DNAH14: variants seen among roughly 807,000 people sequenced by gnomAD.
DNAH14 encodes axonemal beta dynein heavy chain 14.
A neutral mutation model predicts 520.9 loss-of-function variants in DNAH14; 478 were observed. The observed-to-expected ratio is 0.92, with a 90% CI of 0.85 to 0.99. DNAH14 has a LOEUF of 0.99. Ranked by LOEUF, DNAH14 falls within the 50% of genes least tolerant of loss-of-function variation. The pLI, the probability that DNAH14 is intolerant of heterozygous loss-of-function variation, is 0.00. For missense variants in DNAH14, 4,831 were observed against 5,234.5 expected (o/e 0.92, Z 2.38); for synonymous variants, 1,581 against 1,757.2 (o/e 0.90, Z 2.51).
chr1:225,239,431 G>T (rs2091832730), intron 42 of DNAH14, among the ~76,000 whole-genome samples: 1 of 152,100 alleles, frequency 6.6e-6, no homozygotes, highest in Admixed American at 6.5e-5. Flanking sequence ...GTGGAAGGGG[G>T]TTCCTTTGGC....
intron 27 of DNAH14, among the ~76,000 whole-genome samples, chr1:225,123,987 A>C (rs1290385773): frequency 6.6e-6 from 1 of 152,136 alleles, no homozygotes; most frequent in South Asian, 2.1e-4. Flanking sequence ...TCCTGACCTC[A>C]GGTGATCTGC....
At chr1:225,261,144 T>C (rs2092921356) in intron 46 of DNAH14, among the ~76,000 whole-genome samples, 1 of 152,220 alleles carries the variant, frequency 6.6e-6, no homozygotes, top group Non-Finnish European at 1.5e-5. Flanking sequence ...TTTCCTTGCC[T>C]AATTGCTCTG....
At chr1:225,180,587 T>C (rs553469295) in intron 36 of DNAH14, among the ~76,000 whole-genome samples, 13 of 152,196 alleles carry the variant, frequency 8.5e-5, no homozygotes, top group African/African-American at 3.1e-4. Flanking sequence ...GAAGGAACTA[T>C]TAGAGTGAGA....
Position 225,333,382 on chromosome 1 carries a change from G to A in DNAH14, c.9956G>A (p.Ser3319Asn), listed in dbSNP as rs1267038227. 2 of 1,551,628 alleles carry A rather than the reference G, an allele frequency of 1.3e-6. No individual in the cohort carries two copies. Among genetic ancestry groups the A allele is most frequent in the Non-Finnish European group, 1.7e-6 (2 of 1,146,948 alleles). Residue 3319 changes from serine (S) to asparagine (N), a missense_variant, in exon 66 of 86, where the codon AGT becomes AAT. Transcript: ENST00000682510. ...ILLSAACIVY[S>N]GILTPEFRQL... is the part of the protein sequence containing the mutation. ...CTTTCAGCAGCGTGCATTGTCTACA[G>A]TGGAATTTTAACACCAGAATTTCGC...
intron 37 of DNAH14, 74 bp downstream of exon 37, chr1:225,185,499 C>A: frequency 7.3e-7 from 1 of 1,365,794 alleles, no homozygotes; most frequent in South Asian, 1.7e-5. Context: ...TTTATGTTCT[C>A]TTTATATTGG....
chr1:225,375,376 G>C (rs1575094317), intron 78 of DNAH14, among the ~76,000 whole-genome samples: 1 of 152,332 alleles, frequency 6.6e-6, no homozygotes, highest in East Asian at 1.9e-4. Context: ...GCTGCTAGCA[G>C]AGGAAAGAAT....
At chr1:224,989,706 C>T (rs1254884283) in intron 8 of DNAH14, among the ~76,000 whole-genome samples, 2 of 152,118 alleles carry the variant, frequency 1.3e-5, no homozygotes, top group Non-Finnish European at 2.9e-5. Flanking sequence ...TTTGTCAATG[C>T]TCTTTGTCAA....
At chr1:225,175,701 C>CTTTTTTTTTTTTTTTTT (rs35341695) in intron 36 of DNAH14, among the ~76,000 whole-genome samples, 1 of 109,226 alleles carries the variant, frequency 9.2e-6, no homozygotes, top group Non-Finnish European at 1.8e-5. Context: ...TATTTTGGAT[C>CTTTTTTTTTTTTTTTTT]TTTTTTTTTT....
rs1026101849 is a variant in DNAH14 at position 225,128,832 on chromosome 1, G to T, written c.4254+5218G>T. ...TTCTGGCCAGGGCAATCAGGCAGGA[G>T]AATGAAATAAAGAGTATTCAATTAG... On this transcript the variant is annotated intron_variant, in intron 27 of 85. Coordinates refer to ENST00000682510, the MANE Select transcript of DNAH14 (RefSeq NM_001367479.1). 2.0e-3 allele frequency among the ~76,000 whole-genome samples: 298 copies of T among 151,516 alleles called. 1 individual carries two copies. The highest frequency in any genetic ancestry group is 7.0e-3 in the African/African-American group (285 of 40,980).
intron 41 of DNAH14, among the ~76,000 whole-genome samples, chr1:225,215,059 C>T (rs1378321748): frequency 2.0e-5 from 3 of 152,128 alleles, no homozygotes; most frequent in African/African-American, 7.2e-5. Context: ...CTATAAATTT[C>T]CCTCTACACA....
intron 4 of DNAH14, among the ~76,000 whole-genome samples, chr1:224,963,689 A>G (rs1474545208): frequency 1.3e-5 from 2 of 152,048 alleles, no homozygotes; most frequent in Non-Finnish European, 2.9e-5. Context: ...CTCTTGTCAG[A>G]CATACACAGT....
intron 43 of DNAH14, among the ~76,000 whole-genome samples, 190 bp from the exon 44 acceptor site, chr1:225,252,111 G>T (rs1264778475): frequency 6.6e-6 from 1 of 152,174 alleles, no homozygotes; most frequent in Non-Finnish European, 1.5e-5. Context: ...AGGACAAGAA[G>T]TTAATAAAAC....
Position 225,159,336 on chromosome 1 carries a change from G to A in DNAH14, c.5296G>A (p.Glu1766Lys). 2 of 1,551,406 alleles carry A rather than the reference G, an allele frequency of 1.3e-6. No homozygotes were observed. The highest frequency in any genetic ancestry group is 1.7e-6 in the Non-Finnish European group (2 of 1,146,818). The change falls in exon 35 of 86, where the codon GAA becomes AAA. Residue 1766 changes from glutamate to lysine, a missense_variant. Glu to Lys is a moderately conservative substitution (Grantham distance 56). Coordinates refer to ENST00000682510, the MANE Select transcript of DNAH14 (RefSeq NM_001367479.1). The stretch of plus-strand genomic sequence containing the variant: ...AAGTGATACCAGTGACAGTCTTTCT[G>A]AAGCAGATGAAACCTTGATTGTTAT... ...FKCDTSDSLS[E>K]ADETLIVIEA... is the part of the protein sequence containing the mutation.
chr1:225,034,439 G>A (rs961849815), intron 11 of DNAH14, among the ~76,000 whole-genome samples: 6 of 151,932 alleles, frequency 3.9e-5, no homozygotes, highest in Non-Finnish European at 5.9e-5. Context: ...ATTTTTTGAT[G>A]TGCTGCTGTA....
chr1:225,366,546 A>G (rs1332745834), intron 76 of DNAH14, among the ~76,000 whole-genome samples: 1 of 152,174 alleles, frequency 6.6e-6, no homozygotes, highest in Non-Finnish European at 1.5e-5. Context: ...TGCTCGATAA[A>G]TATTTTCTCA....
In DNAH14 at chr1:225,025,671, C is replaced by G. The variant is rs10399841; in HGVS notation, c.1358+1806C>G. Among the ~76,000 whole-genome samples, 771 of 151,992 alleles carry G rather than the reference C, an allele frequency of 5.1e-3. 6 individuals carry two copies. The highest frequency in any genetic ancestry group is 0.017 in the African/African-American group (724 of 41,428). On this transcript the variant is annotated intron_variant, in intron 11 of 85. Coordinates refer to ENST00000682510, the MANE Select transcript of DNAH14 (RefSeq NM_001367479.1). ...TCGGGAGGCTGAGGTGGGAGGATCA[C>G]TTGAGCCCAGGAGGTTGAGACTGCA... is the stretch of plus-strand genomic sequence containing the variant.
intron 10 of DNAH14, among the ~76,000 whole-genome samples, chr1:225,019,307 A>T (rs771107012): frequency 6.6e-6 from 1 of 152,216 alleles, no homozygotes; most frequent in Non-Finnish European, 1.5e-5. Context: ...TTAAACAAAC[A>T]ATGATCAAAA....
intron 23 of DNAH14, among the ~76,000 whole-genome samples, chr1:225,114,747 G>T (rs1227195915): frequency 2.0e-5 from 3 of 152,008 alleles, no homozygotes; most frequent in Non-Finnish European, 4.4e-5. Flanking sequence ...TATGTCCAGT[G>T]TTGGCAGCAC....
At chr1:225,174,360 A>G (rs1292829998) in intron 36 of DNAH14, among the ~76,000 whole-genome samples, 1 of 152,162 alleles carries the variant, frequency 6.6e-6, no homozygotes, top group African/African-American at 2.4e-5. Flanking sequence ...ACTTTCTTTA[A>G]TAAGTGTTTT....
Sources: allele counts gnomAD v4.1 joint callset (sites outside exome capture counted in the v4.1 genomes callset), GRCh38; gene constraint gnomAD v4.1.1; transcripts MANE v1.5; gene names NCBI Gene and HGNC (gene_info 2026-07-23, HGNC 2026-07-21).